ASAP1: variants seen among roughly 807,000 people sequenced by gnomAD.
ASAP1 encodes ArfGAP with SH3 domain, ankyrin repeat and PH domain 1.
In ASAP1, 43 loss-of-function variants were observed where a neutral mutation model predicts 145.2. The ratio of observed to expected loss-of-function variants is 0.30; its 90% CI spans 0.23 to 0.38. ASAP1 has a LOEUF of 0.38. Among genes scored for constraint, ASAP1 ranks in the 10% least tolerant of loss-of-function variants. The pLI is 1.00. For missense variants in ASAP1, 1,018 were observed against 1,355.3 expected (o/e 0.75, Z 3.91); for synonymous variants, 546 against 515.5 (o/e 1.06, Z -0.80).
intron 3 of ASAP1, among the ~76,000 whole-genome samples, chr8:130,242,743 C>T (rs1185945716): frequency 6.6e-6 from 1 of 152,136 alleles, no homozygotes; most frequent in Admixed American, 6.5e-5. Flanking sequence ...TTCATTCACA[C>T]TGTCCAATGT....
At chr8:130,063,693 G>A (rs1302586687) in intron 27 of ASAP1, among the ~76,000 whole-genome samples, 1 of 152,170 alleles carries the variant, frequency 6.6e-6, no homozygotes, top group Non-Finnish European at 1.5e-5. Flanking sequence ...GGAGGCCGTG[G>A]AGCCTCCCAC....
intron 7 of ASAP1, among the ~76,000 whole-genome samples, chr8:130,185,737 AAAAAAAAAAAAG>A (rs1414666325): frequency 2.6e-5 from 4 of 151,084 alleles, no homozygotes; most frequent in Non-Finnish European, 3.0e-5. Context: ...CTCAAAAAAA[AAAAAAAAAAAAG>A]AAAAAGAAAA....
chr8:130,091,690 T>C (rs901991138), intron 25 of ASAP1, among the ~76,000 whole-genome samples: 1 of 152,232 alleles, frequency 6.6e-6, no homozygotes, highest in Non-Finnish European at 1.5e-5. Context: ...TTTCCTTATA[T>C]ATAAACGAGA....
chr8:130,152,968 A>G (rs1399542644), intron 12 of ASAP1, among the ~76,000 whole-genome samples, 163 bp from the exon 13 acceptor site: 1 of 152,108 alleles, frequency 6.6e-6, no homozygotes, highest in East Asian at 1.9e-4. Flanking sequence ...CCCAGGTGGA[A>G]GGTAATTCAC....
chr8:130,346,077 T>C (rs1825688286), intron 3 of ASAP1, among the ~76,000 whole-genome samples: 1 of 152,218 alleles, frequency 6.6e-6, no homozygotes, highest in Non-Finnish European at 1.5e-5. Flanking sequence ...GCCTTCAAGA[T>C]TTATAAATCA....
At chr8:130,228,157 A>T (rs911727621) in intron 4 of ASAP1, among the ~76,000 whole-genome samples, 1 of 152,224 alleles carries the variant, frequency 6.6e-6, no homozygotes, top group Non-Finnish European at 1.5e-5. Flanking sequence ...TGAGAAACGA[A>T]GGACTTGTTA....
intron 1 of ASAP1, among the ~76,000 whole-genome samples, chr8:130,425,159 C>T (rs558187323): frequency 1.3e-5 from 2 of 151,878 alleles, no homozygotes; most frequent in African/African-American, 2.4e-5. Context: ...TGGCCAAATC[C>T]CATCTCTACT....
chr8:130,386,804 A>G (rs1828038737), intron 2 of ASAP1: 1 of 151,964 alleles, frequency 6.6e-6, no homozygotes, highest in East Asian at 1.9e-4. Context: ...AACTTTGTAA[A>G]CCTCCACTTT....
intron 15 of ASAP1, among the ~76,000 whole-genome samples, chr8:130,131,018 G>C (rs1387432052): frequency 6.6e-6 from 1 of 152,162 alleles, no homozygotes; most frequent in Non-Finnish European, 1.5e-5. Flanking sequence ...TTAGCCAGGC[G>C]TGGTGGCACG....
chr8:130,253,049 G>A (rs1479523024), intron 3 of ASAP1, among the ~76,000 whole-genome samples: 1 of 152,090 alleles, frequency 6.6e-6, no homozygotes, highest in Admixed American at 6.6e-5. Flanking sequence ...TGACCTAAAT[G>A]ATTCAAAATA....
chr8:130,322,113 G>C lies in ASAP1; in HGVS notation c.186+35904C>G, dbSNP rs73409364. On this transcript the variant is annotated intron_variant, in intron 3 of 29. Coordinates refer to ENST00000518721, the MANE Select transcript of ASAP1 (RefSeq NM_018482.4). ...AGAGATTTTTTGTTAAGAAAAATCA[G>C]CTGGGGAGAAGACAAGAGAAGCAGC... Among the ~76,000 whole-genome samples, 558 of 152,302 alleles carry C rather than the reference G, an allele frequency of 3.7e-3. 3 individuals carry two copies. The highest frequency in any genetic ancestry group is 0.013 in the African/African-American group (540 of 41,552).
At chr8:130,123,679 T>C (rs187069479) in intron 18 of ASAP1, among the ~76,000 whole-genome samples, 2,100 of 152,272 alleles carry the variant, frequency 0.014, 66 homozygotes, top group African/African-American at 0.047. Context: ...CAGGCTGGAG[T>C]GCAGGGGTGC....
At chr8:130,342,379 G>A (rs572614550) in intron 3 of ASAP1, among the ~76,000 whole-genome samples, 3 of 152,226 alleles carry the variant, frequency 2.0e-5, no homozygotes, top group East Asian at 1.9e-4. Context: ...AGTAACAGAG[G>A]CCTTCTGTAA....
chr8:130,337,502 T>C (rs1163372542), intron 3 of ASAP1, among the ~76,000 whole-genome samples: 1 of 152,194 alleles, frequency 6.6e-6, no homozygotes, highest in African/African-American at 2.4e-5. Flanking sequence ...AGCATGCTAG[T>C]CCTCTCCAAA....
At chr8:130,062,146 C>A (rs1235107753) in intron 27 of ASAP1, among the ~76,000 whole-genome samples, 1 of 152,182 alleles carries the variant, frequency 6.6e-6, no homozygotes, top group East Asian at 1.9e-4. Flanking sequence ...GTATTACATT[C>A]CTGTTTTACT....
intron 2 of ASAP1, among the ~76,000 whole-genome samples, chr8:130,386,329 T>G (rs1828015053): frequency 6.6e-6 from 1 of 152,196 alleles, no homozygotes; most frequent in Non-Finnish European, 1.5e-5. Flanking sequence ...TAAGGCAACC[T>G]GAATTGGGTT....
At chr8:130,339,586 T>G (rs964446978) in intron 3 of ASAP1, among the ~76,000 whole-genome samples, 1 of 152,144 alleles carries the variant, frequency 6.6e-6, no homozygotes, top group East Asian at 1.9e-4. Flanking sequence ...TAAAAATAGC[T>G]TCCTTCCTGA....
intron 8 of ASAP1, 54 bp from the exon 9 acceptor site, chr8:130,179,403 G>GCCACCTGAAC: frequency 2.6e-6 from 3 of 1,144,898 alleles, no homozygotes; most frequent in Non-Finnish European, 3.9e-6. Flanking sequence ...GGGCTCTTCA[G>GCCACCTGAAC]CCATGGGTTC....
chr8:130,079,463 A>G (rs2097473552), intron 26 of ASAP1, among the ~76,000 whole-genome samples: 1 of 152,206 alleles, frequency 6.6e-6, no homozygotes, highest in Non-Finnish European at 1.5e-5. Context: ...AAAGAGTGCT[A>G]TTTTTATGTT....
Sources: gnomAD v4.1 joint callset for allele counts (sites outside exome capture counted in the v4.1 genomes callset) on GRCh38, gnomAD v4.1.1 for gene constraint, MANE v1.5 for transcripts, NCBI Gene and HGNC (gene_info 2026-07-23, HGNC 2026-07-21) for gene names.